Variants in GID4 observed in about 807,000 individuals in gnomAD.
GID4 encodes GID complex subunit 4 homolog, also known as glucose-induced degradation protein 4 homolog.
A neutral mutation model predicts 32.4 loss-of-function variants in GID4; 7 were observed. The observed-to-expected ratio is 0.22, with a 90% CI of 0.12 to 0.41. The LOEUF is 0.41. Ranked by LOEUF, GID4 falls within the 10% of genes least tolerant of loss-of-function variation. The pLI is 1.00. For synonymous variants in GID4, 166 were observed against 170.0 expected (o/e 0.98, Z 0.18); for missense variants, 309 against 400.0 (o/e 0.77, Z 1.94).
At chr17:18,049,471 C>T (rs1447133385) in intron 2 of GID4, among the ~76,000 whole-genome samples, 1 of 151,188 alleles carries the variant, frequency 6.6e-6, no homozygotes. Context: ...CTTGGGTGTA[C>T]ATGCGCAGGT....
At position 18,068,110 on chromosome 17, in the gene GID4, T is replaced by C. The variant is rs1476215106; in HGVS notation, c.*2867T>C. 2 of 152,652 alleles carry C rather than the reference T, an allele frequency of 1.3e-5. No homozygotes were observed. The highest frequency in any genetic ancestry group is 3.8e-4 in the East Asian group (2 of 5,204). The allele number at this position is 152,652 out of a possible 1,614,324, so 9.5% of individuals were successfully genotyped here. A position where few individuals can be genotyped will look rare whatever the true frequency, so the allele number is the denominator to read the frequency against. ...ATAATATTCTCACTAAGGCCTTGAA[T>C]TGATTTTTTTCTCATAAAATAGTCT... On this transcript the variant is annotated 3_prime_UTR_variant, in exon 6 of 6. Coordinates refer to ENST00000268719, the MANE Select transcript of GID4 (RefSeq NM_024052.5).
At chr17:18,046,028 G>A (rs2044850224) in intron 2 of GID4, among the ~76,000 whole-genome samples, 2 of 152,206 alleles carry the variant, frequency 1.3e-5, no homozygotes, top group Non-Finnish European at 2.9e-5. Context: ...TAGAAAGCAA[G>A]GAGGAGCATC....
At chr17:18,043,731 A>C (rs187369077) in intron 1 of GID4, among the ~76,000 whole-genome samples, 8 of 152,328 alleles carry the variant, frequency 5.3e-5, no homozygotes, top group Admixed American at 2.6e-4. Context: ...TATTTGATTT[A>C]TGGTATAATT....
At chr17:18,054,556 T>G (rs774621008) in intron 3 of GID4, among the ~76,000 whole-genome samples, 13 of 152,178 alleles carry the variant, frequency 8.5e-5, no homozygotes, top group Non-Finnish European at 1.5e-4. Flanking sequence ...CCACTGTTCC[T>G]TTCAAATCAC....
In GID4 at chr17:18,067,086, G is replaced by C. The variant is rs1158942029; in HGVS notation, c.*1843G>C. 6.6e-6 allele frequency: 1 copy of C among 152,318 alleles called. No homozygotes were observed. Among genetic ancestry groups the C allele is most frequent in the African/African-American group, 2.4e-5 (1 of 41,460 alleles). 9.4% of individuals were successfully genotyped at this position (152,318 alleles called of 1,614,324 possible). ...AAGCCCAGCTGCTGTCATGTGAGGA[G>C]ATGCTCACTGTGGTCTTGTTGAGCT... On this transcript the variant is annotated 3_prime_UTR_variant, in exon 6 of 6. Coordinates refer to ENST00000268719, the MANE Select transcript of GID4 (RefSeq NM_024052.5).
chr17:18,048,571 T>C (rs2044878840), intron 2 of GID4, among the ~76,000 whole-genome samples: 1 of 152,234 alleles, frequency 6.6e-6, no homozygotes, highest in Non-Finnish European at 1.5e-5. Flanking sequence ...AATGAATCTT[T>C]GAATAAATTT....
chr17:18,041,315 C>T (rs919573122), intron 1 of GID4, among the ~76,000 whole-genome samples: 1 of 152,170 alleles, frequency 6.6e-6, no homozygotes, highest in African/African-American at 2.4e-5. Context: ...AGTAGGTCTC[C>T]CATCCAAAAG....
chr17:18,040,011 G>C, intron 1 of GID4, 109 bp downstream of exon 1: 6 of 1,244,008 alleles, frequency 4.8e-6, no homozygotes, highest in Non-Finnish European at 6.1e-6. Flanking sequence ...TCGCCGCCGG[G>C]GCCTCCTGCA....
chr17:18,059,572 G>C (rs2045000586), intron 4 of GID4, among the ~76,000 whole-genome samples: 1 of 152,162 alleles, frequency 6.6e-6, no homozygotes, highest in African/African-American at 2.4e-5. Flanking sequence ...TTAGCTGCGA[G>C]GTCATTTGTG....
At chr17:18,047,534 C>T (rs954521973) in intron 2 of GID4, among the ~76,000 whole-genome samples, 15 of 152,218 alleles carry the variant, frequency 9.9e-5, no homozygotes, top group Admixed American at 7.8e-4. Context: ...AGGAAGCCCC[C>T]GTGAGTCGAG....
intron 2 of GID4, 114 bp from the exon 3 acceptor site, chr17:18,054,013 G>C: frequency 1.8e-6 from 1 of 552,780 alleles, no homozygotes; most frequent in East Asian, 3.1e-5. Context: ...TGGATTGTCA[G>C]GTAGCAGTGT....
intron 2 of GID4, 71 bp from the exon 3 acceptor site, chr17:18,054,056 A>G: frequency 2.4e-6 from 2 of 828,726 alleles, no homozygotes; most frequent in South Asian, 1.8e-5. Flanking sequence ...AGCAAAGTTT[A>G]TTTTTCCTTT....
intron 2 of GID4, among the ~76,000 whole-genome samples, chr17:18,047,036 A>T (rs145634811): frequency 7.6e-4 from 116 of 152,214 alleles, no homozygotes; most frequent in African/African-American, 2.7e-3. Context: ...TGGTACTAAT[A>T]TGTGATTCTC....
At chr17:18,040,872 T>G (rs1015723516) in intron 1 of GID4, among the ~76,000 whole-genome samples, 1 of 152,200 alleles carries the variant, frequency 6.6e-6, no homozygotes, top group African/African-American at 2.4e-5. Flanking sequence ...TCCCCCCATT[T>G]GACCTGGATT....
In GID4 at chr17:18,039,657, G is replaced by A. The variant is rs1243455060; in HGVS notation, c.193G>A (p.Ala65Thr). 4 of 1,137,682 alleles carry A rather than the reference G, an allele frequency of 3.5e-6. No individual in the cohort carries two copies. In the Admixed American group the frequency reaches 1.8e-4, roughly 51 times the overall value. 70.5% of individuals were successfully genotyped at this position (1,137,682 alleles called of 1,614,324 possible). A position where few individuals can be genotyped will look rare whatever the true frequency, so the allele number is the denominator to read the frequency against. Residue 65 changes from alanine (A) to threonine (T), a missense_variant, in exon 1 of 6, where the codon GCG becomes ACG. By Grantham distance (58) the Ala-to-Thr change is moderately conservative. Coordinates refer to ENST00000268719, the MANE Select transcript of GID4 (RefSeq NM_024052.5). The surrounding 1 kb of genome is among the most constrained non-coding windows in gnomAD (Gnocchi z 5.3). ...CCCCGCCACCCTCCTCGGCTCCCGC[G>A]CGGCGGCGGCGGTTCCTCTCCCACT... ...SLPATLLGSRAAAAVPLPLPP... is the reference protein window; with the variant it reads ...SLPATLLGSRTAAAVPLPLPP...
chr17:18,054,061 TC>T (rs1470746847), intron 2 of GID4, 65 bp from the exon 3 acceptor site: 5 of 850,694 alleles, frequency 5.9e-6, no homozygotes, highest in Non-Finnish European at 9.5e-6. Context: ...AGTTTATTTT[TC>T]CTTTGTACAA....
intron 1 of GID4, among the ~76,000 whole-genome samples, chr17:18,044,788 A>G (rs148456617): frequency 2.7e-3 from 413 of 152,356 alleles, no homozygotes; most frequent in African/African-American, 9.3e-3. Flanking sequence ...CACCACGTGT[A>G]CAGGCAGAGA....
intron 3 of GID4, 126 bp downstream of exon 3, chr17:18,054,360 C>T (rs945463324): frequency 1.7e-6 from 1 of 582,682 alleles, no homozygotes; most frequent in Non-Finnish European, 3.1e-6. Flanking sequence ...AAAGGTTGCA[C>T]TGCACACAGA....
At chr17:18,044,069 G>T (rs2044828104) in intron 1 of GID4, among the ~76,000 whole-genome samples, 1 of 152,132 alleles carries the variant, frequency 6.6e-6, no homozygotes, top group African/African-American at 2.4e-5. Flanking sequence ...TTCCTGGCCT[G>T]TTTCTCCCCT....
Sources: allele counts gnomAD v4.1 joint callset (sites outside exome capture counted in the v4.1 genomes callset), GRCh38; gene constraint gnomAD v4.1.1; non-coding constraint Gnocchi (gnomAD v3.1); transcripts MANE v1.5; gene names NCBI Gene and HGNC (gene_info 2026-07-23, HGNC 2026-07-21).